Variants in ITPRID1 observed in about 807,000 individuals in gnomAD.
ITPRID1 encodes the protein protein ITPRID1.
A neutral mutation model predicts 95.4 loss-of-function variants in ITPRID1; 96 were observed. The observed-to-expected ratio is 1.01, with a 90% CI of 0.85 to 1.19. The LOEUF is 1.19. ITPRID1 is among the 50% of genes most tolerant of loss of function. The probability of loss-of-function intolerance (pLI) is 0.00; values close to 1 mark genes in which losing one functional copy is unlikely to be tolerated. For synonymous variants in ITPRID1, 510 were observed against 453.6 expected (o/e 1.12, Z -1.58); for missense variants, 1,339 against 1,252.9 (o/e 1.07, Z -1.04).
At chr7:31,529,569 A>T in intron 1 of ITPRID1, 1 of 519,504 alleles carries the variant, frequency 1.9e-6, no homozygotes, top group Non-Finnish European at 3.4e-6. Flanking sequence ...GGGTAGAGAG[A>T]ATCACTTTGT....
intron 3 of ITPRID1, among the ~76,000 whole-genome samples, chr7:31,554,228 C>G (rs962132549): frequency 3.3e-5 from 5 of 152,260 alleles, no homozygotes; most frequent in African/African-American, 1.2e-4. Flanking sequence ...TTTTTCTTCT[C>G]TCTCACATTT....
chr7:31,633,749 C>T (rs532055977), intron 10 of ITPRID1, among the ~76,000 whole-genome samples: 1 of 152,304 alleles, frequency 6.6e-6, no homozygotes, highest in Non-Finnish European at 1.5e-5. Flanking sequence ...CATTGGAGGA[C>T]AGAAGAGATA....
At chr7:31,645,520 C>T (rs1790383877) in intron 12 of ITPRID1, among the ~76,000 whole-genome samples, 2 of 151,778 alleles carry the variant, frequency 1.3e-5, no homozygotes, top group African/African-American at 4.9e-5. Context: ...CTAATGTATG[C>T]TGGGTGGTTC....
intron 10 of ITPRID1, among the ~76,000 whole-genome samples, chr7:31,628,642 G>A (rs183856198): frequency 1.4e-4 from 22 of 152,050 alleles, no homozygotes; most frequent in African/African-American, 5.3e-4. Flanking sequence ...ATTTTTAGTA[G>A]AGACAGGGTT....
intron 6 of ITPRID1, among the ~76,000 whole-genome samples, chr7:31,570,278 A>T (rs1784939581): frequency 6.6e-6 from 1 of 152,242 alleles, no homozygotes; most frequent in African/African-American, 2.4e-5. Flanking sequence ...CACCAGCATT[A>T]GCATTGTGGG....
At chr7:31,561,805 T>C (rs1169340422) in intron 5 of ITPRID1, among the ~76,000 whole-genome samples, 1 of 152,168 alleles carries the variant, frequency 6.6e-6, no homozygotes, top group African/African-American at 2.4e-5. Flanking sequence ...ACCACCTCTG[T>C]GGGCAGATTA....
At chr7:31,589,509 A>C (rs1583540269) in intron 10 of ITPRID1, among the ~76,000 whole-genome samples, 2 of 152,314 alleles carry the variant, frequency 1.3e-5, no homozygotes, top group East Asian at 3.9e-4. Context: ...TGGGATAATT[A>C]CAAAGAAATT....
chr7:31,550,621 T>C (rs1448327731), intron 2 of ITPRID1, among the ~76,000 whole-genome samples: 4 of 152,160 alleles, frequency 2.6e-5, no homozygotes, highest in African/African-American at 9.7e-5. Context: ...AGCAGATTTG[T>C]TTACCAACTG....
chr7:31,652,001 A>C lies in ITPRID1; in HGVS notation c.2774A>C (p.Glu925Ala). Reference sequence around the variant, plus strand: ...CTGAGGCAGCAGGTGGCAGAGTTGGAATTTCAGTTAGGAGACCGGGCTCAG... The same window carrying C: ...CTGAGGCAGCAGGTGGCAGAGTTGGCATTTCAGTTAGGAGACCGGGCTCAG... ...EALRQQVAELEFQLGDRAQQI... is the reference protein window; with the variant it reads ...EALRQQVAELAFQLGDRAQQI... Residue 925 changes from glutamate to alanine, a missense_variant, in exon 14 of 15, where the codon GAA becomes GCA. Glu to Ala is a moderately radical substitution (Grantham distance 107). Coordinates refer to ENST00000615280, the MANE Select transcript of ITPRID1 (RefSeq NM_001257967.3). 1.2e-6 allele frequency: 2 copies of C among 1,606,018 alleles called. No homozygotes were observed. Among genetic ancestry groups the C allele is most frequent in the Admixed American group, 1.7e-5 (1 of 59,066 alleles).
intron 10 of ITPRID1, among the ~76,000 whole-genome samples, chr7:31,624,102 C>A (rs1374016206): frequency 6.6e-6 from 1 of 150,914 alleles, no homozygotes; most frequent in Non-Finnish European, 1.5e-5. Context: ...CTACAAACCA[C>A]TGCTCAATGA....
chr7:31,652,878 A>C lies in ITPRID1; in HGVS notation c.*49A>C. The stretch of plus-strand genomic sequence containing the variant: ...CATACAAAATATAAAGGCCCAGAAC[A>C]GATGTAGCAAGGAAATTTCAATTTT... On this transcript the variant is annotated 3_prime_UTR_variant, in exon 15 of 15. Transcript: ENST00000615280. The C allele has an allele frequency of 1.3e-6, 2 of 1,565,224 alleles. No individual in the cohort carries two copies. The highest frequency in any genetic ancestry group is 1.7e-6 in the Non-Finnish European group (2 of 1,153,366).
intron 5 of ITPRID1, among the ~76,000 whole-genome samples, chr7:31,559,273 A>G: frequency 6.6e-6 from 1 of 152,168 alleles, no homozygotes; most frequent in East Asian, 1.9e-4. Context: ...ATACTTTCTG[A>G]GCATCATGTT....
At chr7:31,627,404 TC>T (rs1788562305) in intron 10 of ITPRID1, among the ~76,000 whole-genome samples, 1 of 152,244 alleles carries the variant, frequency 6.6e-6, no homozygotes. Context: ...ATGCCTATAA[TC>T]CCAGCTCTTT....
intron 13 of ITPRID1, 47 bp from the exon 14 acceptor site, chr7:31,651,892 C>T: frequency 7.3e-7 from 1 of 1,368,474 alleles, no homozygotes; most frequent in Non-Finnish European, 1.0e-6. Flanking sequence ...AAGATTGCAC[C>T]TGGGAAGGAT....
chr7:31,538,014 G>A (rs889106454), intron 1 of ITPRID1, among the ~76,000 whole-genome samples: 1 of 152,142 alleles, frequency 6.6e-6, no homozygotes, highest in Non-Finnish European at 1.5e-5. Flanking sequence ...TATAACTTAT[G>A]TAATAGCAAT....
chr7:31,547,284 C>T (rs964020320), intron 1 of ITPRID1, among the ~76,000 whole-genome samples: 1 of 152,184 alleles, frequency 6.6e-6, no homozygotes, highest in Non-Finnish European at 1.5e-5. Context: ...AGTGAGTTCT[C>T]ACACTGCTAT....
intron 10 of ITPRID1, among the ~76,000 whole-genome samples, chr7:31,610,235 A>T (rs985714149): frequency 2.6e-5 from 4 of 151,638 alleles, no homozygotes; most frequent in African/African-American, 9.7e-5. Flanking sequence ...ACAGTTGAGA[A>T]ATGTAAGTAT....
At chr7:31,638,911 G>C (rs1455537291) in intron 10 of ITPRID1, among the ~76,000 whole-genome samples, 1 of 152,008 alleles carries the variant, frequency 6.6e-6, no homozygotes, top group Non-Finnish European at 1.5e-5. Flanking sequence ...CAAGTAGCTG[G>C]GATTACAGGC....
chr7:31,539,794 G>A (rs10951296), intron 1 of ITPRID1, among the ~76,000 whole-genome samples: 20,218 of 152,058 alleles, frequency 0.13, 1,814 homozygotes, highest in Non-Finnish European at 0.19. Flanking sequence ...TCTGTGTGGG[G>A]GAGAAGTTTA....
Sources: gnomAD v4.1 joint callset for allele counts (sites outside exome capture counted in the v4.1 genomes callset) on GRCh38, gnomAD v4.1.1 for gene constraint, MANE v1.5 for transcripts, NCBI Gene and HGNC (gene_info 2026-07-23, HGNC 2026-07-21) for gene names.